CAMK2D: variants seen among roughly 807,000 people sequenced by gnomAD.
CAMK2D encodes calcium/calmodulin dependent protein kinase II delta.
In CAMK2D, 37 loss-of-function variants were observed where a neutral mutation model predicts 84.0. That is an observed-to-expected ratio of 0.44 (90% CI 0.34 to 0.58). The LOEUF is 0.58. Among genes scored for constraint, CAMK2D ranks in the 20% least tolerant of loss-of-function variants. The pLI is 0.02. For missense variants in CAMK2D, 448 were observed against 652.5 expected (o/e 0.69, Z 3.41); for synonymous variants, 202 against 212.5 (o/e 0.95, Z 0.43).
intron 16 of CAMK2D, among the ~76,000 whole-genome samples, chr4:113,467,491 T>C (rs2097488984): frequency 2.0e-5 from 3 of 152,212 alleles, no homozygotes; most frequent in African/African-American, 7.2e-5. Context: ...GTGATTAAGT[T>C]AGTCCATAAT....
intron 4 of CAMK2D, among the ~76,000 whole-genome samples, chr4:113,564,542 T>G (rs1452888847): frequency 6.6e-6 from 1 of 152,076 alleles, no homozygotes; most frequent in Non-Finnish European, 1.5e-5. Flanking sequence ...TATACCCATA[T>G]CTCCTACTAA....
chr4:113,538,675 A>G (rs1490390780), intron 6 of CAMK2D, among the ~76,000 whole-genome samples: 3 of 152,224 alleles, frequency 2.0e-5, no homozygotes, highest in Non-Finnish European at 4.4e-5. Context: ...GAATTTGTCA[A>G]TTCTGTTGGT....
intron 17 of CAMK2D, among the ~76,000 whole-genome samples, chr4:113,464,974 T>C (rs2097438899): frequency 6.6e-6 from 1 of 152,228 alleles, no homozygotes; most frequent in Non-Finnish European, 1.5e-5. Context: ...TACATCTGTA[T>C]ATTTACAAAG....
At position 113,455,766 on chromosome 4, in the gene CAMK2D, G is replaced by A; in HGVS notation, c.1591C>T (p.Gln531Ter). Reference protein sequence around the residue: ...ENFSGGTSLWQNI With the variant: ...ENFSGGTSLW ...ATGGTTTTCAGGCCTTAGATGTTTT[G>A]CCACAAAGAGGTGCCTCCTGAGAAG... The change falls in exon 20 of 21, where the codon CAA becomes TAA. Residue 531 changes from glutamine to a stop codon, truncating the protein, a stop_gained. Coordinates refer to ENST00000511664, the MANE Select transcript of CAMK2D (RefSeq NM_001321571.2). LOFTEE classifies it high-confidence loss of function. The A allele has an allele frequency of 6.2e-7, 1 of 1,612,032 alleles. No individual in the cohort carries two copies. Among genetic ancestry groups the A allele is most frequent in the Non-Finnish European group, 8.5e-7 (1 of 1,178,412 alleles).
At chr4:113,621,510 T>C (rs922591154) in intron 3 of CAMK2D, among the ~76,000 whole-genome samples, 2 of 152,210 alleles carry the variant, frequency 1.3e-5, no homozygotes, top group Non-Finnish European at 1.5e-5. Context: ...GAAAATATAT[T>C]TACGTCTATA....
chr4:113,756,387 G>A (rs2099628618), intron 2 of CAMK2D, among the ~76,000 whole-genome samples: 1 of 151,866 alleles, frequency 6.6e-6, no homozygotes, highest in African/African-American at 2.4e-5. Context: ...AAAGGCTTGG[G>A]TATACAGAGT....
At chr4:113,578,839 G>A (rs1307636947) in intron 4 of CAMK2D, among the ~76,000 whole-genome samples, 1 of 152,200 alleles carries the variant, frequency 6.6e-6, no homozygotes, top group African/African-American at 2.4e-5. Context: ...AATTTGCAGA[G>A]GCATGTCCTG....
chr4:113,621,804 T>C (rs963078724), intron 3 of CAMK2D, among the ~76,000 whole-genome samples: 5 of 152,228 alleles, frequency 3.3e-5, no homozygotes, highest in African/African-American at 1.2e-4. Flanking sequence ...ATTATTGGCT[T>C]TGCAGCTAAG....
intron 2 of CAMK2D, among the ~76,000 whole-genome samples, chr4:113,718,797 A>G (rs553813246): frequency 5.3e-4 from 80 of 152,338 alleles, no homozygotes; most frequent in African/African-American, 1.9e-3. Flanking sequence ...AATCTTTTTC[A>G]CTGTAATAAT....
chr4:113,667,654 G>A (rs1458809372), intron 2 of CAMK2D, among the ~76,000 whole-genome samples: 1 of 152,138 alleles, frequency 6.6e-6, no homozygotes, highest in Admixed American at 6.5e-5. Context: ...TAAGGAAAGG[G>A]CCATTTGACT....
intron 16 of CAMK2D, among the ~76,000 whole-genome samples, chr4:113,478,083 T>C (rs1329161259): frequency 6.6e-6 from 1 of 152,068 alleles, no homozygotes; most frequent in African/African-American, 2.4e-5. Flanking sequence ...TGAACTGAGA[T>C]TAAGACAATA....
At chr4:113,546,838 T>G (rs1397639027) in intron 6 of CAMK2D, among the ~76,000 whole-genome samples, 1 of 152,134 alleles carries the variant, frequency 6.6e-6, no homozygotes, top group Non-Finnish European at 1.5e-5. Flanking sequence ...TGCTGGGAAA[T>G]GGAGACGGAA....
chr4:113,496,867 C>G (rs905431579), intron 16 of CAMK2D, among the ~76,000 whole-genome samples: 3 of 152,168 alleles, frequency 2.0e-5, no homozygotes, highest in Non-Finnish European at 4.4e-5. Flanking sequence ...AATTAGAAAG[C>G]TGCTCAAGAG....
At chr4:113,717,293 A>G (rs1247464202) in intron 2 of CAMK2D, among the ~76,000 whole-genome samples, 1 of 152,138 alleles carries the variant, frequency 6.6e-6, no homozygotes, top group African/African-American at 2.4e-5. Context: ...GCCAAAGAAA[A>G]TGTTTATTAA....
At chr4:113,716,866 C>T (rs983142265) in intron 2 of CAMK2D, among the ~76,000 whole-genome samples, 2 of 152,044 alleles carry the variant, frequency 1.3e-5, no homozygotes, top group Non-Finnish European at 2.9e-5. Flanking sequence ...ATGTTTGGTG[C>T]CATTTAGGAA....
chr4:113,500,585 G>T, intron 15 of CAMK2D, 74 bp from the exon 16 acceptor site: 1 of 938,716 alleles, frequency 1.1e-6, no homozygotes, highest in Non-Finnish European at 1.7e-6. Context: ...ATTGGCTAGT[G>T]ACATACATAT....
At chr4:113,750,406 T>A (rs2149048986) in intron 2 of CAMK2D, among the ~76,000 whole-genome samples, 1 of 152,212 alleles carries the variant, frequency 6.6e-6, no homozygotes, top group Non-Finnish European at 1.5e-5. Context: ...AAATACAACC[T>A]CACACATCAA....
In CAMK2D at chr4:113,708,800, C is replaced by T. The variant is rs141749797; in HGVS notation, c.161-47028G>A. Among the ~76,000 whole-genome samples, 257 of 152,290 alleles carry T rather than the reference C, an allele frequency of 1.7e-3. 1 individual carries two copies. The highest frequency in any genetic ancestry group is 3.4e-3 in the Middle Eastern group (1 of 294). On this transcript the variant is annotated intron_variant, in intron 2 of 20. Coordinates refer to ENST00000511664, the MANE Select transcript of CAMK2D (RefSeq NM_001321571.2). The stretch of plus-strand genomic sequence containing the variant: ...AGTGCAGTGGCGTAATCTCGGCTCA[C>T]TGCAACCTCCGCCTCCCGGGTTCAA...
intron 3 of CAMK2D, among the ~76,000 whole-genome samples, chr4:113,611,059 C>T (rs2098998189): frequency 7.5e-6 from 1 of 133,944 alleles, no homozygotes; most frequent in South Asian, 2.2e-4. Context: ...CACACACACA[C>T]ACACACACAC....
Sources: allele counts gnomAD v4.1 joint callset (sites outside exome capture counted in the v4.1 genomes callset), GRCh38; gene constraint gnomAD v4.1.1; transcripts MANE v1.5; gene names NCBI Gene and HGNC (gene_info 2026-07-23, HGNC 2026-07-21).